Variants in ZNF236 observed in about 807,000 individuals in gnomAD.
ZNF236 encodes the protein zinc finger protein 236.
Under a neutral mutation model 191.2 loss-of-function variants are expected in ZNF236, and 50 were observed. That is an observed-to-expected ratio of 0.26 (90% CI 0.21 to 0.33). The LOEUF is 0.33. ZNF236 is among the 10% of genes least tolerant of loss of function. ZNF236 has a pLI of 1.00. For synonymous variants in ZNF236, 907 were observed against 928.8 expected (o/e 0.98, Z 0.43); for missense variants, 1,754 against 2,374.5 (o/e 0.74, Z 5.43).
intron 9 of ZNF236, among the ~76,000 whole-genome samples, chr18:76,891,916 A>G (rs939005761): frequency 1.3e-5 from 2 of 152,002 alleles, no homozygotes; most frequent in Non-Finnish European, 2.9e-5. Flanking sequence ...TCTTCTCTTG[A>G]TACTCCTTTT....
chr18:76,837,122 C>A (rs1975353156), intron 1 of ZNF236, among the ~76,000 whole-genome samples: 1 of 51,140 alleles, frequency 2.0e-5, no homozygotes, highest in African/African-American at 1.3e-4. Flanking sequence ...GTGATCCGCA[C>A]CCCCTCCCCC....
intron 18 of ZNF236, among the ~76,000 whole-genome samples, chr18:76,914,597 G>A (rs1452929720): frequency 6.6e-6 from 1 of 152,160 alleles, no homozygotes; most frequent in Non-Finnish European, 1.5e-5. Flanking sequence ...ATGGTCATGA[G>A]CCTTCCCACG....
chr18:76,946,558 A>G (rs1968268756), intron 26 of ZNF236, among the ~76,000 whole-genome samples: 1 of 152,258 alleles, frequency 6.6e-6, no homozygotes, highest in South Asian at 2.1e-4. Context: ...TCCTGTGGTC[A>G]GCCACGGTTT....
intron 7 of ZNF236, 48 bp downstream of exon 7, chr18:76,878,200 A>G (rs2122634205): frequency 6.6e-7 from 1 of 1,526,362 alleles, no homozygotes; most frequent in Non-Finnish European, 8.9e-7. Flanking sequence ...AAAATCTGTC[A>G]TTTTAAATAT....
In ZNF236 at chr18:76,927,514, A is replaced by G; in HGVS notation, c.4411A>G (p.Ser1471Gly). The G allele has an allele frequency of 1.2e-6, 2 of 1,613,540 alleles. No homozygotes were observed. The highest frequency in any genetic ancestry group is 1.7e-6 in the Non-Finnish European group (2 of 1,179,826). The change falls in exon 24 of 31, where the codon AGT becomes GGT. Residue 1471 changes from serine (S) to glycine (G), a missense_variant. Transcript: ENST00000320610. This position sits in a 1 kb window ranked among gnomAD's most constrained non-coding sequence, Gnocchi z 5.4. ...GGATTCAGTGCTGACCACTAACAGC[A>G]GTGGTAAGAGCCACTCACTTTTGCT... ...EQDSVLTTNS[S>G]GTQDLTQVMT...
intron 1 of ZNF236, among the ~76,000 whole-genome samples, chr18:76,843,948 AG>A (rs200201746): frequency 0.022 from 3,343 of 151,486 alleles, 63 homozygotes; most frequent in Middle Eastern, 0.034. Flanking sequence ...AGAAGGTAGA[AG>A]GGAGTTTTAA....
At chr18:76,931,815 T>C (rs759207841) in intron 25 of ZNF236, among the ~76,000 whole-genome samples, 1 of 152,260 alleles carries the variant, frequency 6.6e-6, no homozygotes, top group African/African-American at 2.4e-5. Context: ...ACCTATCTCG[T>C]TCTCTTCACC....
Position 76,972,086 on chromosome 18 carries a change from G to A in ZNF236, c.*3747G>A, listed in dbSNP as rs930789662. On this transcript the variant is annotated 3_prime_UTR_variant, in exon 31 of 31. Coordinates refer to ENST00000320610, the MANE Select transcript of ZNF236 (RefSeq NM_001306089.2). ...TTTGTGTCACTTAATCTGTGTTCAC[G>A]TAACTTAGGCACTTTGGATTTTTTA... 3.9e-5 allele frequency among the ~76,000 whole-genome samples: 6 copies of A among 152,232 alleles called. No homozygotes were observed. Among genetic ancestry groups the A allele is most frequent in the Non-Finnish European group, 8.8e-5 (6 of 68,040 alleles).
At chr18:76,867,133 GT>G (rs1976440465) in intron 3 of ZNF236, among the ~76,000 whole-genome samples, 2 of 152,050 alleles carry the variant, frequency 1.3e-5, no homozygotes, top group South Asian at 4.1e-4. Context: ...GCTGCGAGGG[GT>G]TTTGTGATGT....
At chr18:76,837,596 A>G (rs1217434440) in intron 1 of ZNF236, among the ~76,000 whole-genome samples, 3 of 151,550 alleles carry the variant, frequency 2.0e-5, no homozygotes, top group Admixed American at 2.0e-4. Context: ...GTGTGCCACC[A>G]CGCCTGGCTA....
At chr18:76,893,658 C>T (rs543955420) in intron 9 of ZNF236, among the ~76,000 whole-genome samples, 6 of 152,176 alleles carry the variant, frequency 3.9e-5, no homozygotes, top group Admixed American at 1.3e-4. Flanking sequence ...CAGGCATGCA[C>T]CACCGCACCT....
chr18:76,937,334 C>T lies in ZNF236; in HGVS notation c.4773C>T (p.Ile1591=), dbSNP rs750991032. 3.7e-6 allele frequency: 6 copies of T among 1,610,244 alleles called. No individual in the cohort carries two copies. The highest frequency in any genetic ancestry group is 2.2e-5 in the South Asian group (2 of 90,782). ...GCCTGGACACTGTCACACTCAACAT[C>T]ACCTCTCAGGCAAGTGCTCCTCAGA... ...SGGLDTVTLN[I]TSQGQQFPAL... Residue 1591 remains isoleucine, a synonymous_variant, in exon 26 of 31, where the codon ATC becomes ATT. Transcript: ENST00000320610.
intron 21 of ZNF236, 68 bp downstream of exon 21, chr18:76,923,242 A>G (rs1019981044): frequency 3.6e-6 from 4 of 1,121,354 alleles, no homozygotes; most frequent in African/African-American, 1.6e-5. Flanking sequence ...TTGTTCCTAT[A>G]TATTTTGTGT....
chr18:76,834,534 C>T (rs1975265394), intron 1 of ZNF236: 1 of 489,206 alleles, frequency 2.0e-6, no homozygotes, highest in South Asian at 1.7e-5. Context: ...GGTCTTTGTC[C>T]AGTTTTAGCC....
At chr18:76,913,708 G>A (rs1355760891) in intron 17 of ZNF236, 39 bp from the exon 18 acceptor site, 6 of 1,602,288 alleles carry the variant, frequency 3.7e-6, no homozygotes, top group Middle Eastern at 1.7e-4. Flanking sequence ...ATTGTGCTAT[G>A]AATTAACGTG....
intron 11 of ZNF236, among the ~76,000 whole-genome samples, chr18:76,903,976 C>G (rs1294367734): frequency 6.8e-6 from 1 of 148,026 alleles, no homozygotes; most frequent in Non-Finnish European, 1.5e-5. Context: ...CTTGCTTATC[C>G]TGAATTTTGG....
chr18:76,894,276 G>GAGA (rs1427648809), intron 9 of ZNF236, among the ~76,000 whole-genome samples: 6 of 152,302 alleles, frequency 3.9e-5, no homozygotes, highest in African/African-American at 1.4e-4. Context: ...GCTCCATCCT[G>GAGA]AGAGGGGTGA....
chr18:76,934,653 AT>A (rs1298692635), intron 25 of ZNF236, among the ~76,000 whole-genome samples: 1 of 152,184 alleles, frequency 6.6e-6, no homozygotes, highest in Non-Finnish European at 1.5e-5. Context: ...ACAATTTAAC[AT>A]TTCCCATTCC....
intron 28 of ZNF236, among the ~76,000 whole-genome samples, chr18:76,959,159 C>T (rs758897740): frequency 3.9e-5 from 6 of 152,310 alleles, no homozygotes; most frequent in South Asian, 4.1e-4. Flanking sequence ...GTCGTATCAC[C>T]GGGAGAACGC....
Sources: allele counts gnomAD v4.1 joint callset (sites outside exome capture counted in the v4.1 genomes callset), GRCh38; gene constraint gnomAD v4.1.1; non-coding constraint Gnocchi (gnomAD v3.1); transcripts MANE v1.5; gene names NCBI Gene and HGNC (gene_info 2026-07-23, HGNC 2026-07-21).